SGCG: variants seen among roughly 807,000 people sequenced by gnomAD.
SGCG encodes the protein sarcoglycan gamma, also known as gamma-sarcoglycan.
SGCG carries 26 observed loss-of-function variants against 29.3 expected under a neutral mutation model. The observed-to-expected ratio is 0.89, with a 90% confidence interval of 0.65 to 1.23. The LOEUF is 1.23. Among genes scored for constraint, SGCG ranks in the 50% most tolerant of loss-of-function variants. SGCG has a pLI of 0.00. For missense variants in SGCG, 353 were observed against 356.0 expected (o/e 0.99, Z 0.07); for synonymous variants, 145 against 129.7 (o/e 1.12, Z -0.80).
At chr13:23,210,200 T>A (rs1173050213) in intron 2 of SGCG, among the ~76,000 whole-genome samples, 1 of 152,226 alleles carries the variant, frequency 6.6e-6, no homozygotes, top group African/African-American at 2.4e-5. Flanking sequence ...TAAATTATTC[T>A]TTTTTGAAAT....
At chr13:23,268,132 T>G (rs1353101396) in intron 4 of SGCG, 2 of 153,056 alleles carry the variant, frequency 1.3e-5, no homozygotes, top group Non-Finnish European at 2.9e-5. Flanking sequence ...TGGTGGAAAT[T>G]TATGGGCTTT....
intron 2 of SGCG, among the ~76,000 whole-genome samples, chr13:23,222,294 C>T (rs1213278403): frequency 6.6e-6 from 1 of 152,172 alleles, no homozygotes; most frequent in Non-Finnish European, 1.5e-5. Context: ...AAGTGATGTT[C>T]TTAAAATGGT....
At position 23,225,780 on chromosome 13, in the gene SGCG, T is replaced by TACACAC. The variant is rs60718653; in HGVS notation, c.196-8808_196-8803dup. Reference sequence around the variant, plus strand: ...CCAGGCCCTCTGAGAGGACATGTCATACACACACACACACACACACACACA... The same window carrying TACACAC: ...CCAGGCCCTCTGAGAGGACATGTCATACACACACACACACACACACACACACACACA... On this transcript the variant is annotated intron_variant, in intron 2 of 7. Transcript: ENST00000218867. Among the ~76,000 whole-genome samples the TACACAC allele has an allele frequency of 5.6e-3, 837 of 148,634 alleles. 14 individuals are homozygous for TACACAC. Among genetic ancestry groups the TACACAC allele is most frequent in the East Asian group, 0.05 (252 of 5,084 alleles).
At chr13:23,323,855 C>G (rs558112615) in intron 7 of SGCG, among the ~76,000 whole-genome samples, 2 of 152,134 alleles carry the variant, frequency 1.3e-5, no homozygotes, top group Non-Finnish European at 2.9e-5. Flanking sequence ...CTTCATCATT[C>G]ATGGGTAAAA....
chr13:23,257,677 T>C (rs1218495109), intron 4 of SGCG, among the ~76,000 whole-genome samples: 1 of 152,198 alleles, frequency 6.6e-6, no homozygotes, highest in Non-Finnish European at 1.5e-5. Flanking sequence ...TTTATGGTTT[T>C]AGGTCTAACA....
At position 23,195,678 on chromosome 13, in the gene SGCG, ATG is replaced by A. The variant is rs60141728; in HGVS notation, c.1-8003_1-8002del. 6.5e-3 allele frequency among the ~76,000 whole-genome samples: 982 copies of A among 151,206 alleles called. 9 individuals are homozygous for A. Among genetic ancestry groups the A allele is most frequent in the African/African-American group, 0.022 (900 of 41,278 alleles). ...ATGATTTGATGATCTTTTAATCTAGATGTGTGTGTGTGTGTATAATAAGGGTA... is the reference window on the plus strand; with the variant it reads ...ATGATTTGATGATCTTTTAATCTAGATGTGTGTGTGTGTATAATAAGGGTA... On this transcript the variant is annotated intron_variant, in intron 1 of 7. Coordinates refer to ENST00000218867, the MANE Select transcript of SGCG (RefSeq NM_000231.3).
intron 4 of SGCG, among the ~76,000 whole-genome samples, chr13:23,272,616 T>C (rs1486715381): frequency 1.3e-5 from 2 of 152,198 alleles, no homozygotes; most frequent in Non-Finnish European, 2.9e-5. Context: ...TTCCTTATGC[T>C]TGCTTTTCTC....
intron 1 of SGCG, among the ~76,000 whole-genome samples, chr13:23,194,703 G>A (rs1422532738): frequency 6.6e-6 from 1 of 152,158 alleles, no homozygotes; most frequent in Non-Finnish European, 1.5e-5. Context: ...CTGGATTGAT[G>A]ACATACCCTG....
At chr13:23,234,860 T>C (rs907795277) in intron 3 of SGCG, 148 bp downstream of exon 3, 14 of 635,248 alleles carry the variant, frequency 2.2e-5, no homozygotes, top group Admixed American at 1.1e-4. Flanking sequence ...GCTTGACTAT[T>C]GCAGAATTTA....
chr13:23,306,987 G>A (rs908656149), intron 6 of SGCG, among the ~76,000 whole-genome samples: 1 of 152,186 alleles, frequency 6.6e-6, no homozygotes, highest in Non-Finnish European at 1.5e-5. Context: ...AAATGTATAA[G>A]TTGCCCTTTT....
chr13:23,322,186 GGGTTGT>G (rs1026350651), intron 7 of SGCG, among the ~76,000 whole-genome samples: 2 of 152,244 alleles, frequency 1.3e-5, no homozygotes, highest in East Asian at 1.9e-4. Flanking sequence ...TGAGTGACAT[GGGTTGT>G]GTTCACTCAT....
chr13:23,291,118 A>G lies in SGCG; in HGVS notation c.506-4297A>G, dbSNP rs532278124. Reference sequence around the variant, plus strand: ...CCTTCACAGTAGAATTGGACAAACCATTTACCATGTCTAATCTCAATGACA... The same window carrying G: ...CCTTCACAGTAGAATTGGACAAACCGTTTACCATGTCTAATCTCAATGACA... On this transcript the variant is annotated intron_variant, in intron 5 of 7. Coordinates refer to ENST00000218867, the MANE Select transcript of SGCG (RefSeq NM_000231.3). Among the ~76,000 whole-genome samples the G allele has an allele frequency of 5.9e-5, 9 of 152,342 alleles. No individual in the cohort carries two copies. The South Asian group carries it at 1.9e-3, about 32-fold the overall frequency.
intron 1 of SGCG, among the ~76,000 whole-genome samples, chr13:23,185,969 G>A (rs1876955521): frequency 6.6e-6 from 1 of 152,168 alleles, no homozygotes; most frequent in South Asian, 2.1e-4. Context: ...CTCCTCCAAG[G>A]GTTTGATTGA....
intron 6 of SGCG, among the ~76,000 whole-genome samples, chr13:23,309,088 G>T (rs564280): frequency 0.37 from 55,558 of 151,718 alleles, 10,807 homozygotes; most frequent in East Asian, 0.79. Flanking sequence ...CATTACCAGG[G>T]TGTTTATAGT....
chr13:23,188,308 A>C (rs1877074601), intron 1 of SGCG, among the ~76,000 whole-genome samples: 1 of 130,292 alleles, frequency 7.7e-6, no homozygotes, highest in East Asian at 2.2e-4. Context: ...TCTTTTACTA[A>C]GGCTTTTTTT....
intron 6 of SGCG, among the ~76,000 whole-genome samples, chr13:23,310,239 A>G (rs960488903): frequency 1.3e-5 from 2 of 151,530 alleles, no homozygotes; most frequent in African/African-American, 2.4e-5. Context: ...GGCGCCCGCC[A>G]CCACACCCGG....
chr13:23,318,068 T>TC lies in SGCG; in HGVS notation c.579-2567dup. Among the ~76,000 whole-genome samples, 4 of 152,334 alleles carry TC rather than the reference T, an allele frequency of 2.6e-5. No individual in the cohort carries two copies. In the South Asian group the frequency reaches 8.3e-4, roughly 32 times the overall value. ...TGCTTCCTGCCCTCGAACATTGGACTCCAAGTTCTTCAGTTTTGAGACTCG... is the reference window on the plus strand; with the variant it reads ...TGCTTCCTGCCCTCGAACATTGGACTCCCAAGTTCTTCAGTTTTGAGACTCG... On this transcript the variant is annotated intron_variant, in intron 6 of 7. Transcript: ENST00000218867.
intron 2 of SGCG, among the ~76,000 whole-genome samples, chr13:23,226,807 A>C (rs1878916482): frequency 1.3e-5 from 2 of 152,282 alleles, no homozygotes; most frequent in South Asian, 4.1e-4. Context: ...AGGAAGATGA[A>C]AAGAGTTCTG....
intron 6 of SGCG, among the ~76,000 whole-genome samples, chr13:23,319,169 G>A (rs1305642774): frequency 6.6e-6 from 1 of 152,058 alleles, no homozygotes; most frequent in African/African-American, 2.4e-5. Flanking sequence ...ACGGTGGCGG[G>A]TGCCTGTAAA....
Sources: allele counts gnomAD v4.1 joint callset (sites outside exome capture counted in the v4.1 genomes callset), GRCh38; gene constraint gnomAD v4.1.1; transcripts MANE v1.5; gene names NCBI Gene and HGNC (gene_info 2026-07-23, HGNC 2026-07-21).